The following DMD variants were observed in gnomAD, a reference collection of about 807,000 sequenced individuals.
DMD encodes the protein dystrophin.
DMD carries 63 observed loss-of-function variants against 330.1 expected under a neutral mutation model. The observed-to-expected ratio is 0.19, with a 90% confidence interval of 0.16 to 0.24. The LOEUF is 0.24. Among genes scored for constraint, DMD ranks in the 10% least tolerant of loss-of-function variants. DMD has a pLI of 1.00. For missense variants in DMD, 3,344 were observed against 2,684.1 expected (o/e 1.25, Z -5.43); for synonymous variants, 1,223 against 959.8 (o/e 1.27, Z -5.07).
At chrX:32,335,046 A>T (rs1362084474) in intron 41 of DMD, among the ~76,000 whole-genome samples, 1 of 111,428 alleles carries the variant, frequency 9.0e-6, no homozygotes. Flanking sequence ...TGACAAAGAA[A>T]ATGATACTTG....
intron 18 of DMD, chrX:32,517,594 T>A (rs1400324688): frequency 1.4e-5 from 2 of 143,497 alleles, no homozygotes; most frequent in Non-Finnish European, 2.7e-5. Flanking sequence ...ACAGTGAGAA[T>A]ATAGACATAG....
chrX:31,690,392 A>G (rs751233091), intron 52 of DMD, among the ~76,000 whole-genome samples: 29 of 112,472 alleles, frequency 2.6e-4, no homozygotes, highest in Non-Finnish European at 4.3e-4. Flanking sequence ...TGGCCATCAG[A>G]GAAACGCAAA....
rs1385777093 is a variant in DMD at position 32,629,836 on chromosome X, C to A, written c.1331+14296G>T. Among the ~76,000 whole-genome samples, 3 of 110,149 alleles carry A rather than the reference C, an allele frequency of 2.7e-5. No individual in the cohort carries two copies. In the South Asian group the frequency reaches 1.1e-3, roughly 42 times the overall value. On this transcript the variant is annotated intron_variant, in intron 11 of 78. Coordinates refer to ENST00000357033, the MANE Select transcript of DMD (RefSeq NM_004006.3). ...AAATGCTACACTTTAACTTCATCCCCCCACTCTTTTTGTTGTTTCTATTTA... is the reference window on the plus strand; with the variant it reads ...AAATGCTACACTTTAACTTCATCCCACCACTCTTTTTGTTGTTTCTATTTA...
rs773093542 is a variant in DMD, at chrX:31,922,525, T to TGTGTGTGTGTGCGC, written c.6912+7070_6912+7071insGCGCACACACACAC. On this transcript the variant is annotated intron_variant, in intron 47 of 78. Coordinates refer to ENST00000357033, the MANE Select transcript of DMD (RefSeq NM_004006.3). ...GTGTGTGTGTGTGTGTGTGTGTGTG[T>TGTGTGTGTGTGCGC]GCGCGCGCGTGCGCTAGGGGGGTGC... 2.8e-4 allele frequency among the ~76,000 whole-genome samples: 30 copies of TGTGTGTGTGTGCGC among 106,359 alleles called. 1 individual carries two copies. Among genetic ancestry groups the TGTGTGTGTGTGCGC allele is most frequent in the Non-Finnish European group, 5.1e-4 (26 of 51,260 alleles). 92.4% of individuals were successfully genotyped at this position (106,359 alleles called of 115,157 possible).
intron 7 of DMD, among the ~76,000 whole-genome samples, chrX:32,733,329 C>G (rs748247329): frequency 9.1e-6 from 1 of 109,652 alleles, no homozygotes. Context: ...CTTTAACACC[C>G]CACTGTCAAC....
intron 59 of DMD, 150 bp from the exon 60 acceptor site, chrX:31,444,777 T>C (rs1433844162): frequency 4.7e-6 from 3 of 633,752 alleles, no homozygotes. Flanking sequence ...CAAATTCCTA[T>C]GTTGAAATCC....
At chrX:31,219,295 A>G (rs2045732237) in intron 64 of DMD, among the ~76,000 whole-genome samples, 2 of 110,984 alleles carry the variant, frequency 1.8e-5, no homozygotes, top group South Asian at 3.9e-4. Context: ...GGACAGAAGC[A>G]TCTGGCTCCC....
chrX:32,298,343 GTA>G (rs2097506026), intron 42 of DMD, among the ~76,000 whole-genome samples: 2 of 110,615 alleles, frequency 1.8e-5, no homozygotes, highest in African/African-American at 6.6e-5. Flanking sequence ...ATGTGTGTTG[GTA>G]GAGAAAGGCC....
intron 37 of DMD, among the ~76,000 whole-genome samples, chrX:32,357,738 C>G (rs1262832317): frequency 6.4e-5 from 7 of 109,528 alleles, no homozygotes; most frequent in African/African-American, 2.3e-4. Context: ...CTGAATTAAG[C>G]ATGAATGATT....
chrX:32,643,217 C>T (rs1247035051), intron 11 of DMD, among the ~76,000 whole-genome samples: 1 of 111,000 alleles, frequency 9.0e-6, no homozygotes, highest in Non-Finnish European at 1.9e-5. Context: ...TTACATGTAC[C>T]TTATTTATTC....
chrX:31,579,157 T>G (rs1308210297), intron 55 of DMD, among the ~76,000 whole-genome samples: 1 of 112,282 alleles, frequency 8.9e-6, no homozygotes, highest in Non-Finnish European at 1.9e-5. Context: ...CAGAACAGAC[T>G]GACTGTATAG....
At chrX:32,649,481 G>A (rs888027056) in intron 9 of DMD, among the ~76,000 whole-genome samples, 80 of 106,547 alleles carry the variant, frequency 7.5e-4, no homozygotes, top group African/African-American at 2.4e-3. Flanking sequence ...GCGTGAACCC[G>A]GGAGGCGGAG....
chrX:31,760,183 T>C (rs1445563477), intron 51 of DMD, among the ~76,000 whole-genome samples: 3 of 112,226 alleles, frequency 2.7e-5, no homozygotes, highest in Non-Finnish European at 5.6e-5. Context: ...TGGTTTTCTG[T>C]AGGACAATTT....
chrX:33,009,100 ATGTATATATATG>A lies in DMD; in HGVS notation c.93+11027_93+11038del, dbSNP rs1278049304. 8.0e-5 allele frequency among the ~76,000 whole-genome samples: 2 copies of A among 25,103 alleles called. 1 individual carries two copies. The highest frequency in any genetic ancestry group is 1.7e-4 in the Non-Finnish European group (2 of 11,567). 21.8% of individuals were successfully genotyped at this position (25,103 alleles called of 115,157 possible). ...CATATATGTGTATATATACGTATAT[ATGTATATATATG>A]TGTATATATACGTATATATGTATAT... On this transcript the variant is annotated intron_variant, in intron 2 of 78. Coordinates refer to ENST00000357033, the MANE Select transcript of DMD (RefSeq NM_004006.3).
intron 44 of DMD, among the ~76,000 whole-genome samples, chrX:32,027,164 G>GCGCACACACACACACATACACA (rs1557075784): frequency 1.1e-5 from 1 of 89,517 alleles, no homozygotes; most frequent in African/African-American, 4.4e-5. Flanking sequence ...ACACGCACGT[G>GCGCACACACACACACATACACA]CACACACACA....
At chrX:32,003,002 CTA>C (rs2095638058) in intron 44 of DMD, among the ~76,000 whole-genome samples, 1 of 111,483 alleles carries the variant, frequency 9.0e-6, no homozygotes, top group Admixed American at 9.5e-5. Flanking sequence ...GAAGTTAAGT[CTA>C]TTTTTATAGC....
At chrX:33,181,662 G>A (rs1460988600) in intron 1 of DMD, among the ~76,000 whole-genome samples, 6 of 111,791 alleles carry the variant, frequency 5.4e-5, no homozygotes, top group South Asian at 7.5e-4. Context: ...ATTACAGTAC[G>A]TAGCACAAAG....
intron 44 of DMD, among the ~76,000 whole-genome samples, chrX:32,044,898 T>C (rs775269474): frequency 9.8e-5 from 11 of 112,099 alleles, no homozygotes; most frequent in Non-Finnish European, 2.1e-4. Flanking sequence ...TGCAGGCATG[T>C]TGACATATAA....
intron 7 of DMD, among the ~76,000 whole-genome samples, chrX:32,733,665 G>T (rs769388464): frequency 0.015 from 1,712 of 111,192 alleles, 41 homozygotes; most frequent in African/African-American, 0.053. Context: ...GAATGACTAC[G>T]GGGTGCATAA....
Sources: gnomAD v4.1 joint callset for allele counts (sites outside exome capture counted in the v4.1 genomes callset) on GRCh38, gnomAD v4.1.1 for gene constraint, MANE v1.5 for transcripts, NCBI Gene and HGNC (gene_info 2026-07-23, HGNC 2026-07-21) for gene names.